The following ERGIC1 variants were observed in gnomAD, a reference collection of about 807,000 sequenced individuals.
ERGIC1 encodes the protein endoplasmic reticulum-golgi intermediate compartment 1.
In ERGIC1, 19 loss-of-function variants were observed where a neutral mutation model predicts 38.3. That is an observed-to-expected ratio of 0.50 (90% confidence interval 0.35 to 0.73). The LOEUF (loss-of-function observed/expected upper bound fraction) is 0.73. Among genes scored for constraint, ERGIC1 ranks in the 30% least tolerant of loss-of-function variants. ERGIC1 has a pLI of 0.01. For missense variants in ERGIC1, 294 were observed against 389.2 expected (o/e 0.76, Z 2.06); for synonymous variants, 124 against 157.6 (o/e 0.79, Z 1.60).
In ERGIC1 at chr5:172,865,051, C is replaced by CTT. The variant is rs55657045; in HGVS notation, c.21-23626_21-23625dup. ...TATCAAATTGCTATAGAAAGAAATT[C>CTT]TTTTTTTTTTTTTTTTTTTTTTTGA... is the stretch of plus-strand genomic sequence containing the variant. On this transcript the variant is annotated intron_variant, in intron 1 of 9. Coordinates refer to ENST00000393784, the MANE Select transcript of ERGIC1 (RefSeq NM_001031711.3). Among the ~76,000 whole-genome samples the CTT allele has an allele frequency of 6.7e-3, 625 of 93,806 alleles. 17 individuals carry two copies. The highest frequency in any genetic ancestry group is 0.014 in the African/African-American group (374 of 26,756). 61.5% of individuals were successfully genotyped at this position (93,806 alleles called of 152,430 possible).
chr5:172,844,650 C>T (rs1364045593), intron 1 of ERGIC1, among the ~76,000 whole-genome samples: 3 of 152,176 alleles, frequency 2.0e-5, no homozygotes, highest in Non-Finnish European at 4.4e-5. Context: ...CTCGGGGCCC[C>T]ATCCCATGCT....
At chr5:172,867,242 G>A (rs1250356130) in intron 1 of ERGIC1, 1 of 452,578 alleles carries the variant, frequency 2.2e-6, no homozygotes, top group African/African-American at 2.0e-5. Flanking sequence ...TGGCATCACT[G>A]ACACTGCATG....
At position 172,947,586 on chromosome 5, in the gene ERGIC1, C is replaced by T. The variant is rs923227492; in HGVS notation, c.766-3123C>T. Among the ~76,000 whole-genome samples the T allele has an allele frequency of 1.6e-4, 25 of 152,188 alleles. 1 individual carries two copies. Among genetic ancestry groups the T allele is most frequent in the South Asian group, 2.1e-4 (1 of 4,834 alleles). On this transcript the variant is annotated intron_variant, in intron 9 of 9. Coordinates refer to ENST00000393784, the MANE Select transcript of ERGIC1 (RefSeq NM_001031711.3). ...CAACAGATGCGGGGTGATGGGGGCA[C>T]GTTGAGCAAAATCAGTAGATACTCA...
chr5:172,879,456 G>A (rs770521559), intron 1 of ERGIC1, among the ~76,000 whole-genome samples: 73 of 152,230 alleles, frequency 4.8e-4, no homozygotes, highest in Non-Finnish European at 6.5e-4. Context: ...AGCTAGAGAC[G>A]TGGATTTGGC....
At chr5:172,843,081 GGTT>G (rs1324118699) in intron 1 of ERGIC1, among the ~76,000 whole-genome samples, 11 of 152,190 alleles carry the variant, frequency 7.2e-5, no homozygotes, top group Non-Finnish European at 1.2e-4. Flanking sequence ...GGGAGGCGGA[GGTT>G]GCAGTGAGCC....
At chr5:172,937,091 T>G (rs1763902323) in intron 9 of ERGIC1, 1 of 152,170 alleles carries the variant, frequency 6.6e-6, no homozygotes, top group Admixed American at 6.5e-5. Context: ...TTTTTTGCTG[T>G]TCTCTTTGAC....
chr5:172,840,964 G>A (rs1761145335), intron 1 of ERGIC1, among the ~76,000 whole-genome samples: 3 of 152,202 alleles, frequency 2.0e-5, no homozygotes, highest in Admixed American at 6.5e-5. Flanking sequence ...TGAAGAGTCC[G>A]GCACTGAGCG....
At chr5:172,918,151 C>T (rs1243252073) in intron 5 of ERGIC1, 1 of 152,190 alleles carries the variant, frequency 6.6e-6, no homozygotes, top group Non-Finnish European at 1.5e-5. Context: ...GAGTGAAACC[C>T]TTAATCAATC....
intron 1 of ERGIC1, among the ~76,000 whole-genome samples, chr5:172,864,781 G>GC (rs1335082607): frequency 2.4e-4 from 37 of 151,680 alleles, no homozygotes; most frequent in African/African-American, 8.7e-4. Context: ...TATATGCTGG[G>GC]CACAGTGCTG....
chr5:172,840,582 C>T (rs1354211934), intron 1 of ERGIC1, among the ~76,000 whole-genome samples: 3 of 152,060 alleles, frequency 2.0e-5, no homozygotes, highest in Admixed American at 2.0e-4. Context: ...GGAGCCAGGT[C>T]GGGTGGCGGT....
At chr5:172,897,428 C>CAAAA (rs71310033) in intron 3 of ERGIC1, among the ~76,000 whole-genome samples, 14 of 109,954 alleles carry the variant, frequency 1.3e-4, no homozygotes, top group South Asian at 3.1e-4. Context: ...GACCCTGTTT[C>CAAAA]AAAAAAAAAA....
chr5:172,941,164 G>GTGGAGGCTGAGGCAGT (rs560020952), intron 9 of ERGIC1, among the ~76,000 whole-genome samples: 40 of 152,142 alleles, frequency 2.6e-4, no homozygotes, highest in African/African-American at 9.4e-4. Context: ...CCCAGCTACT[G>GTGGAGGCTGAGGCAGT]TGGAGGCTGA....
Position 172,834,456 on chromosome 5 carries a change from G to T in ERGIC1, c.20+23G>T. On this transcript the variant is annotated intron_variant, in intron 1 of 9. Transcript: ENST00000393784. The surrounding 1 kb of genome is among the most constrained non-coding windows in gnomAD (Gnocchi z 4.1). The stretch of plus-strand genomic sequence containing the variant: ...GAGGTGAGTGTGGCGACCCCGGCCA[G>T]TCGGGAGTTCCCTCAGCGGGCAGAG... 7.6e-7 allele frequency: 1 copy of T among 1,318,944 alleles called. No individual in the cohort carries two copies. Among genetic ancestry groups the T allele is most frequent in the Non-Finnish European group, 9.7e-7 (1 of 1,030,674 alleles). 81.7% of individuals were successfully genotyped at this position (1,318,944 alleles called of 1,614,324 possible). A position where few individuals can be genotyped will look rare whatever the true frequency, so the allele number is the denominator to read the frequency against.
At chr5:172,905,338 T>C in intron 3 of ERGIC1, 1 of 396,730 alleles carries the variant, frequency 2.5e-6, no homozygotes, top group Non-Finnish European at 5.5e-6. Context: ...GGGTAGAAAT[T>C]GGGTGCTGAA....
chr5:172,902,365 G>T (rs1250751328), intron 3 of ERGIC1, among the ~76,000 whole-genome samples: 1 of 152,104 alleles, frequency 6.6e-6, no homozygotes, highest in Non-Finnish European at 1.5e-5. Context: ...CTTGAGCCTG[G>T]GTTGTGAGCC....
chr5:172,883,606 C>T (rs1243445409), intron 1 of ERGIC1, among the ~76,000 whole-genome samples: 3 of 152,152 alleles, frequency 2.0e-5, no homozygotes, highest in Non-Finnish European at 4.4e-5. Flanking sequence ...TGGTGCTGTG[C>T]CCTCCTCAGT....
chr5:172,940,603 T>A (rs1763990202), intron 9 of ERGIC1, among the ~76,000 whole-genome samples: 1 of 152,190 alleles, frequency 6.6e-6, no homozygotes, highest in Non-Finnish European at 1.5e-5. Flanking sequence ...TGGGCCAGTA[T>A]GACCGGGATG....
chr5:172,905,992 A>C, intron 3 of ERGIC1: 1 of 451,662 alleles, frequency 2.2e-6, no homozygotes, highest in Non-Finnish European at 4.5e-6. Context: ...CTGAGTTAGA[A>C]GCCCGGTGTT....
intron 8 of ERGIC1, 47 bp from the exon 9 acceptor site, chr5:172,935,141 C>T (rs369647590): frequency 6.8e-6 from 11 of 1,612,938 alleles, no homozygotes; most frequent in African/African-American, 2.7e-5. Flanking sequence ...TCCCCGCCCC[C>T]CCTGAGACAC....
Sources: gnomAD v4.1 joint callset for allele counts (sites outside exome capture counted in the v4.1 genomes callset) on GRCh38, gnomAD v4.1.1 for gene constraint, Gnocchi (gnomAD v3.1) non-coding constraint, MANE v1.5 for transcripts, NCBI Gene and HGNC (gene_info 2026-07-23, HGNC 2026-07-21) for gene names.